Variants in USP37 observed in about 807,000 individuals in gnomAD.
USP37 encodes the protein ubiquitin carboxyl-terminal hydrolase 37.
In USP37, 27 loss-of-function variants were observed where a neutral mutation model predicts 124.0. The ratio of observed to expected loss-of-function variants is 0.22; its 90% CI spans 0.16 to 0.30. The LOEUF (loss-of-function observed/expected upper bound fraction) is 0.30. Ranked by LOEUF, USP37 falls within the 10% of genes least tolerant of loss-of-function variation. The pLI is 1.00. For missense variants in USP37, 889 were observed against 1,140.4 expected (o/e 0.78, Z 3.17); for synonymous variants, 365 against 388.0 (o/e 0.94, Z 0.70).
chr2:218,509,840 T>A, intron 11 of USP37, 139 bp downstream of exon 11: 1 of 774,918 alleles, frequency 1.3e-6, no homozygotes, highest in Non-Finnish European at 1.8e-6. Flanking sequence ...CTTATGGATG[T>A]AATAAATCTT....
At chr2:218,469,307 A>G (rs918189622) in intron 20 of USP37, among the ~76,000 whole-genome samples, 3 of 152,192 alleles carry the variant, frequency 2.0e-5, no homozygotes, top group Non-Finnish European at 2.9e-5. Context: ...TTGGAAGTCT[A>G]CATGACCCTG....
intron 25 of USP37, 92 bp from the exon 26 acceptor site, chr2:218,455,109 G>T: frequency 7.0e-7 from 1 of 1,434,998 alleles, no homozygotes; most frequent in Non-Finnish European, 9.6e-7. Flanking sequence ...AATTGATATG[G>T]ATAAGGCCTT....
rs967643784 is a variant in USP37 at position 218,451,659 on chromosome 2, T to C, written c.*3271A>G. 82 of 152,208 alleles carry C rather than the reference T, an allele frequency of 5.4e-4. No homozygotes were observed. The highest frequency in any genetic ancestry group is 1.9e-3 in the African/African-American group (79 of 41,452). The allele number at this position is 152,208 out of a possible 1,614,324, so 9.4% of individuals were successfully genotyped here. On this transcript the variant is annotated 3_prime_UTR_variant, in exon 26 of 26. Transcript: ENST00000258399. ...TCAGTAAATTCATGGATTATTTTGC[T>C]GAGGTTTTAAATTTTAAAGCCTCTG...
rs1242883952 is a variant in USP37, at chr2:218,498,008, A to G, written c.1157+18T>C. The G allele has an allele frequency of 1.9e-6, 3 of 1,591,982 alleles. No homozygotes were observed. In the South Asian group the frequency reaches 3.5e-5, roughly 18 times the overall value. On this transcript the variant is annotated intron_variant, in intron 12 of 25. Transcript: ENST00000258399. The stretch of plus-strand genomic sequence containing the variant: ...TGAAGTAAAAGGTTACTCAGTAAGT[A>G]CAGTACATAATGATTACCTGATAAG...
At chr2:218,506,232 T>G (rs566190995) in intron 11 of USP37, among the ~76,000 whole-genome samples, 6 of 151,818 alleles carry the variant, frequency 4.0e-5, no homozygotes, top group African/African-American at 1.4e-4. Context: ...ACTAATTATA[T>G]GTAATATGGG....
At chr2:218,536,529 A>G (rs1691656541) in intron 8 of USP37, among the ~76,000 whole-genome samples, 1 of 152,224 alleles carries the variant, frequency 6.6e-6, no homozygotes, top group Admixed American at 6.5e-5. Flanking sequence ...TTGGATTAAA[A>G]CAACTTTATG....
At chr2:218,514,326 C>G (rs1415617721) in intron 10 of USP37, 2 of 152,136 alleles carry the variant, frequency 1.3e-5, no homozygotes, top group Non-Finnish European at 2.9e-5. Context: ...TCCCACAGTG[C>G]AAGTAGTTGT....
At chr2:218,517,827 A>T (rs1180047256) in intron 10 of USP37, among the ~76,000 whole-genome samples, 2 of 152,204 alleles carry the variant, frequency 1.3e-5, no homozygotes, top group African/African-American at 4.8e-5. Flanking sequence ...TTGAGACTTT[A>T]ATAAGACACA....
In USP37 at chr2:218,562,733, T is replaced by C. The variant is rs1302898555; in HGVS notation, c.-149A>G. The C allele has an allele frequency of 2.5e-6, 1 of 398,488 alleles. No individual in the cohort carries two copies. The highest frequency in any genetic ancestry group is 4.4e-6 in the Non-Finnish European group (1 of 226,076). The allele number at this position is 398,488 out of a possible 1,614,324, so 24.7% of individuals were successfully genotyped here. On this transcript the variant is annotated 5_prime_UTR_variant, in exon 2 of 26. Coordinates refer to ENST00000258399, the MANE Select transcript of USP37 (RefSeq NM_020935.3). Reference sequence around the variant, plus strand: ...AGCAATTCACCTTTATTCTGATCCTTGTGCCAAAGGCAAAGCACTCTTCTT... The same window carrying C: ...AGCAATTCACCTTTATTCTGATCCTCGTGCCAAAGGCAAAGCACTCTTCTT...
intron 1 of USP37, 95 bp from the exon 2 acceptor site, chr2:218,562,908 A>T: frequency 2.6e-6 from 1 of 387,012 alleles, no homozygotes; most frequent in Non-Finnish European, 4.6e-6. Context: ...TGACGCGAGT[A>T]ATCCCAGCAC....
At chr2:218,494,335 A>C (rs781419550) in intron 14 of USP37, among the ~76,000 whole-genome samples, 1 of 152,266 alleles carries the variant, frequency 6.6e-6, no homozygotes, top group Non-Finnish European at 1.5e-5. Flanking sequence ...AAATTCCAGA[A>C]TGGAAAAGAA....
chr2:218,499,736 C>A (rs1406674594), intron 11 of USP37, among the ~76,000 whole-genome samples: 1 of 152,152 alleles, frequency 6.6e-6, no homozygotes, highest in African/African-American at 2.4e-5. Flanking sequence ...CTTTCTCTTA[C>A]ATGACACTGA....
intron 9 of USP37, among the ~76,000 whole-genome samples, chr2:218,531,877 C>T (rs908521795): frequency 1.3e-5 from 2 of 152,212 alleles, no homozygotes; most frequent in Non-Finnish European, 2.9e-5. Context: ...TGAATTGCTG[C>T]AATCTCATGA....
intron 11 of USP37, among the ~76,000 whole-genome samples, chr2:218,506,720 TTTC>T (rs1234444973): frequency 6.6e-6 from 1 of 152,092 alleles, no homozygotes; most frequent in Non-Finnish European, 1.5e-5. Context: ...CAATATGTCT[TTTC>T]TTCTCCATCT....
At chr2:218,536,365 T>G (rs1036209657) in intron 8 of USP37, among the ~76,000 whole-genome samples, 1 of 152,214 alleles carries the variant, frequency 6.6e-6, no homozygotes, top group Non-Finnish European at 1.5e-5. Context: ...ATATTCTCTC[T>G]TCCATATCTT....
At chr2:218,456,251 C>A (rs1689691762) in intron 24 of USP37, among the ~76,000 whole-genome samples, 5 of 151,872 alleles carry the variant, frequency 3.3e-5, no homozygotes, top group Admixed American at 3.3e-4. Context: ...GAGTTTGAAA[C>A]CAGCTTGGGC....
rs550486401 is a variant in USP37 at position 218,506,606 on chromosome 2, T to C, written c.1025+3373A>G. Reference sequence around the variant, plus strand: ...GGCCCTTTCTGGCTTTTTATACTTCTTTTTTTTTTTTTTTCATCTTTTTTT... The same window carrying C: ...GGCCCTTTCTGGCTTTTTATACTTCCTTTTTTTTTTTTTTCATCTTTTTTT... On this transcript the variant is annotated intron_variant, in intron 11 of 25. Transcript: ENST00000258399. 3.6e-4 allele frequency among the ~76,000 whole-genome samples: 22 copies of C among 61,756 alleles called. No individual in the cohort carries two copies. In the South Asian group the frequency reaches 1.0e-2, roughly 28 times the overall value. The allele number at this position is 61,756 out of a possible 152,430, so 40.5% of individuals were successfully genotyped here.
At chr2:218,496,622 C>G (rs1289428740) in intron 13 of USP37, among the ~76,000 whole-genome samples, 1 of 152,188 alleles carries the variant, frequency 6.6e-6, no homozygotes, top group Non-Finnish European at 1.5e-5. Context: ...CACATTTAAT[C>G]TTACTACAGC....
intron 1 of USP37, among the ~76,000 whole-genome samples, chr2:218,567,321 G>A (rs1693670460): frequency 6.6e-6 from 1 of 152,128 alleles, no homozygotes; most frequent in Admixed American, 6.5e-5. Flanking sequence ...TAAACAGCAG[G>A]AATTCGTCAA....
Sources: allele counts gnomAD v4.1 joint callset (sites outside exome capture counted in the v4.1 genomes callset), GRCh38; gene constraint gnomAD v4.1.1; transcripts MANE v1.5; gene names NCBI Gene and HGNC (gene_info 2026-07-23, HGNC 2026-07-21).